MRPL3: variants seen among roughly 807,000 people sequenced by gnomAD.
MRPL3 encodes mitochondrial ribosomal protein L3, also known as large ribosomal subunit protein uL3m.
MRPL3 carries 43 observed loss-of-function variants against 44.3 expected under a neutral mutation model. That is an observed-to-expected ratio of 0.97 (90% CI 0.76 to 1.25). MRPL3 has a LOEUF of 1.25. Ranked by LOEUF, MRPL3 falls within the 50% of genes most tolerant of loss-of-function variation. The pLI is 0.00. For missense variants in MRPL3, 406 were observed against 427.6 expected (o/e 0.95, Z 0.45); for synonymous variants, 171 against 152.3 (o/e 1.12, Z -0.91).
intron 6 of MRPL3, among the ~76,000 whole-genome samples, chr3:131,484,317 C>T (rs1934063451): frequency 6.6e-6 from 1 of 152,102 alleles, no homozygotes; most frequent in South Asian, 2.1e-4. Context: ...CAGGTATTAA[C>T]CCCAGACCTA....
At chr3:131,467,270 A>ACC (rs1933633771) in intron 9 of MRPL3, among the ~76,000 whole-genome samples, 1 of 151,802 alleles carries the variant, frequency 6.6e-6, no homozygotes, top group African/African-American at 2.4e-5. Context: ...ACACACACAC[A>ACC]CACCCACCAC....
In MRPL3 at chr3:131,501,724, A is replaced by G. The variant is rs774435911; in HGVS notation, c.93-9T>C. Reference sequence around the variant, plus strand: ...AAAGCCAGATGTGTGTTCTATAAAAAGAAAAAATAAATAAAACCAAACCAC... The same window carrying G: ...AAAGCCAGATGTGTGTTCTATAAAAGGAAAAAATAAATAAAACCAAACCAC... On this transcript the variant is annotated splice_polypyrimidine_tract_variant and intron_variant, in intron 1 of 9. Coordinates refer to ENST00000264995, the MANE Select transcript of MRPL3 (RefSeq NM_007208.4). 2 of 1,597,052 alleles carry G rather than the reference A, an allele frequency of 1.3e-6. No homozygotes were observed. The highest frequency in any genetic ancestry group is 2.7e-5 in the African/African-American group (2 of 73,682).
chr3:131,490,137 T>C (rs1934222951), intron 4 of MRPL3, 57 bp from the exon 5 acceptor site: 1 of 1,229,748 alleles, frequency 8.1e-7, no homozygotes, highest in Non-Finnish European at 1.2e-6. Context: ...TGGAATTAAA[T>C]GCATGGAGAT....
At chr3:131,497,467 C>G (rs1032634911) in intron 4 of MRPL3, among the ~76,000 whole-genome samples, 1 of 151,894 alleles carries the variant, frequency 6.6e-6, no homozygotes, top group African/African-American at 2.4e-5. Context: ...ATTTCATAAA[C>G]AGTTTACAAT....
At chr3:131,482,201 C>A (rs1934002866) in intron 6 of MRPL3, among the ~76,000 whole-genome samples, 1 of 152,092 alleles carries the variant, frequency 6.6e-6, no homozygotes, top group Non-Finnish European at 1.5e-5. Context: ...AATACCTAAT[C>A]TCCTCCACCC....
chr3:131,487,815 TC>T, intron 5 of MRPL3, 75 bp from the exon 6 acceptor site: 1 of 1,180,946 alleles, frequency 8.5e-7, no homozygotes, highest in Non-Finnish European at 1.2e-6. Flanking sequence ...ATAAACTATA[TC>T]CAGGAAGGCT....
intron 2 of MRPL3, 116 bp from the exon 3 acceptor site, chr3:131,500,637 T>G: frequency 1.3e-6 from 1 of 747,620 alleles, no homozygotes; most frequent in South Asian, 1.6e-5. Flanking sequence ...GTAAGAAATA[T>G]GCTAATATAT....
chr3:131,480,060 T>C (rs923195379), intron 6 of MRPL3, among the ~76,000 whole-genome samples: 1 of 152,230 alleles, frequency 6.6e-6, no homozygotes. Flanking sequence ...ACATATTACA[T>C]GTATATAAAA....
At chr3:131,502,278 T>G (rs935047256) in intron 1 of MRPL3, among the ~76,000 whole-genome samples, 4 of 152,250 alleles carry the variant, frequency 2.6e-5, no homozygotes, top group African/African-American at 9.6e-5. Context: ...TAAAGCTTTC[T>G]GCAGTCTACT....
At chr3:131,473,657 T>A (rs1933789010) in intron 6 of MRPL3, among the ~76,000 whole-genome samples, 1 of 151,520 alleles carries the variant, frequency 6.6e-6, no homozygotes, top group Non-Finnish European at 1.5e-5. Context: ...ATCTAAAATA[T>A]ATACTAAAAG....
intron 6 of MRPL3, among the ~76,000 whole-genome samples, chr3:131,477,196 G>T (rs1330399045): frequency 6.6e-6 from 1 of 151,980 alleles, no homozygotes; most frequent in Non-Finnish European, 1.5e-5. Context: ...CTTGTCTATG[G>T]GGATAAAACG....
chr3:131,480,963 C>T (rs555961012), intron 6 of MRPL3, among the ~76,000 whole-genome samples: 6 of 152,296 alleles, frequency 3.9e-5, no homozygotes, highest in African/African-American at 1.4e-4. Context: ...GAAATCCCCA[C>T]AAGTTAAGCC....
chr3:131,502,174 G>T (rs948107922), intron 1 of MRPL3, among the ~76,000 whole-genome samples: 5 of 152,230 alleles, frequency 3.3e-5, no homozygotes, highest in Non-Finnish European at 7.3e-5. Context: ...CAAAAGGCAT[G>T]ACCTCTGAAC....
At chr3:131,471,951 TA>T (rs1304032750) in intron 6 of MRPL3, among the ~76,000 whole-genome samples, 3 of 152,106 alleles carry the variant, frequency 2.0e-5, no homozygotes, top group African/African-American at 7.2e-5. Flanking sequence ...GCCAATGGAC[TA>T]TTAGTAGGTA....
chr3:131,502,232 G>A (rs555684592), intron 1 of MRPL3, among the ~76,000 whole-genome samples: 6 of 152,336 alleles, frequency 3.9e-5, no homozygotes, highest in Non-Finnish European at 7.3e-5. Flanking sequence ...TCAGGAAGAA[G>A]GGGTGTAATT....
rs543618103 is a variant in MRPL3 at position 131,502,887 on chromosome 3, C to A, written c.-66G>T. On this transcript the variant is annotated 5_prime_UTR_variant, in exon 1 of 10. Coordinates refer to ENST00000264995, the MANE Select transcript of MRPL3 (RefSeq NM_007208.4). ...CCTGCCGCTCTGCTTTCAGGGAGTC[C>A]CCACGCCACCGCCACGTGGACGCAG... is the stretch of plus-strand genomic sequence containing the variant. The A allele has an allele frequency of 3.1e-4, 449 of 1,434,776 alleles. No individual in the cohort carries two copies. The highest frequency in any genetic ancestry group is 5.6e-4 in the Admixed American group (31 of 55,260). The allele number at this position is 1,434,776 out of a possible 1,614,324, so 88.9% of individuals were successfully genotyped here.
intron 6 of MRPL3, among the ~76,000 whole-genome samples, chr3:131,485,761 G>T (rs1210709783): frequency 6.6e-6 from 1 of 152,142 alleles, no homozygotes; most frequent in Non-Finnish European, 1.5e-5. Flanking sequence ...TATTAAAGCA[G>T]CCAGCAGCTT....
At chr3:131,487,625 TTC>T (rs1018380744) in intron 6 of MRPL3, 53 bp downstream of exon 6, 32 of 1,330,144 alleles carry the variant, frequency 2.4e-5, no homozygotes, top group African/African-American at 5.9e-5. Context: ...ACTTATTCTA[TTC>T]TCTTTTAATA....
At chr3:131,474,187 C>T (rs80239307) in intron 6 of MRPL3, among the ~76,000 whole-genome samples, 5,822 of 152,166 alleles carry the variant, frequency 0.038, 370 homozygotes, top group African/African-American at 0.13. Flanking sequence ...AAATGTGGCA[C>T]ATATACACAT....
Sources: allele counts gnomAD v4.1 joint callset (sites outside exome capture counted in the v4.1 genomes callset), GRCh38; gene constraint gnomAD v4.1.1; transcripts MANE v1.5; gene names NCBI Gene and HGNC (gene_info 2026-07-23, HGNC 2026-07-21).